Variants in CDH13 observed in about 807,000 individuals in gnomAD.
CDH13 encodes cadherin 13.
CDH13 carries 24 observed loss-of-function variants against 63.8 expected under a neutral mutation model. That is an observed-to-expected ratio of 0.38 (90% CI 0.27 to 0.53). The LOEUF (loss-of-function observed/expected upper bound fraction) is 0.53. CDH13 is among the 20% of genes least tolerant of loss of function. CDH13 has a pLI of 0.85. For synonymous variants in CDH13, 503 were observed against 355.3 expected (o/e 1.42, Z -4.67); for missense variants, 1,049 against 903.1 (o/e 1.16, Z -2.07).
intron 5 of CDH13, among the ~76,000 whole-genome samples, chr16:83,277,416 C>T (rs1386378719): frequency 2.0e-5 from 3 of 152,130 alleles, no homozygotes; most frequent in African/African-American, 7.2e-5. Context: ...CTGTGGGGCC[C>T]AGGGAATCTG....
chr16:82,986,222 G>A (rs1910919270), intron 2 of CDH13, among the ~76,000 whole-genome samples: 2 of 152,186 alleles, frequency 1.3e-5, no homozygotes, highest in Admixed American at 6.5e-5. Context: ...CTAGGATGCT[G>A]TGAATTTTCA....
At chr16:82,833,039 G>T (rs894332465) in intron 1 of CDH13, among the ~76,000 whole-genome samples, 1 of 152,134 alleles carries the variant, frequency 6.6e-6, no homozygotes, top group Non-Finnish European at 1.5e-5. Flanking sequence ...CCATCTTACA[G>T]TTATACCTTT....
intron 2 of CDH13, among the ~76,000 whole-genome samples, chr16:83,000,033 A>T (rs891649223): frequency 1.4e-4 from 22 of 152,004 alleles, no homozygotes; most frequent in African/African-American, 5.3e-4. Context: ...CAGAACAACA[A>T]CAACAAAAAA....
rs183555574 is a variant in CDH13 at position 83,657,349 on chromosome 16, C to T, written c.1102-13441C>T. On this transcript the variant is annotated intron_variant, in intron 8 of 13. Coordinates refer to ENST00000567109, the MANE Select transcript of CDH13 (RefSeq NM_001257.5). ...GTCAAACAAGGTGTCCCCCATAGAC[C>T]GTCAAGAAGACAGGCTGCTGCTTTT... Among the ~76,000 whole-genome samples the T allele has an allele frequency of 3.9e-5, 6 of 152,272 alleles. 1 individual carries two copies. In the South Asian group the frequency reaches 8.3e-4, roughly 21 times the overall value.
intron 5 of CDH13, among the ~76,000 whole-genome samples, chr16:83,295,564 CAT>C (rs1044348378): frequency 1.4e-4 from 21 of 152,040 alleles, no homozygotes; most frequent in African/African-American, 5.1e-4. Flanking sequence ...GGCCAGCAGG[CAT>C]ATTTTTAAAA....
intron 6 of CDH13, among the ~76,000 whole-genome samples, chr16:83,376,679 TAG>T (rs1485422933): frequency 6.6e-6 from 1 of 152,072 alleles, no homozygotes; most frequent in East Asian, 1.9e-4. Flanking sequence ...ATGCATACTC[TAG>T]AGAGAGTTAG....
chr16:83,449,390 C>T (rs1032635991), intron 6 of CDH13, among the ~76,000 whole-genome samples: 3 of 152,152 alleles, frequency 2.0e-5, no homozygotes, highest in African/African-American at 7.2e-5. Context: ...AAAGGAGAAA[C>T]GGCTCCCTTA....
intron 2 of CDH13, among the ~76,000 whole-genome samples, chr16:83,022,309 G>A (rs1915417301): frequency 6.6e-6 from 1 of 152,178 alleles, no homozygotes; most frequent in South Asian, 2.1e-4. Flanking sequence ...TTCCAAGTAG[G>A]CAAGGAATAC....
chr16:83,767,872 G>A (rs2150994601), intron 11 of CDH13, among the ~76,000 whole-genome samples: 1 of 152,226 alleles, frequency 6.6e-6, no homozygotes, highest in South Asian at 2.1e-4. Context: ...GTACAAATTG[G>A]CCCAAGGTTT....
intron 1 of CDH13, among the ~76,000 whole-genome samples, chr16:82,797,477 A>T (rs924599900): frequency 6.6e-6 from 1 of 152,164 alleles, no homozygotes; most frequent in Non-Finnish European, 1.5e-5. Flanking sequence ...AGACCCCAGC[A>T]AGCTTCTCAT....
chr16:83,314,611 CT>C (rs1567585196), intron 5 of CDH13, among the ~76,000 whole-genome samples: 1 of 152,072 alleles, frequency 6.6e-6, no homozygotes, highest in Non-Finnish European at 1.5e-5. Context: ...AAGCCCACAA[CT>C]TCATATGGGG....
chr16:83,512,525 A>G (rs1040108936), intron 7 of CDH13, among the ~76,000 whole-genome samples: 11 of 150,796 alleles, frequency 7.3e-5, no homozygotes, highest in Admixed American at 7.3e-4. Context: ...AAAATTAGCC[A>G]GGTGTGGTGG....
intron 3 of CDH13, among the ~76,000 whole-genome samples, chr16:83,054,155 T>G (rs1314993266): frequency 6.6e-6 from 1 of 152,200 alleles, no homozygotes; most frequent in Non-Finnish European, 1.5e-5. Flanking sequence ...TTTATATAAG[T>G]GCACTGTGTA....
intron 10 of CDH13, among the ~76,000 whole-genome samples, chr16:83,686,627 A>G (rs1159376645): frequency 1.3e-5 from 2 of 152,260 alleles, no homozygotes; most frequent in Admixed American, 6.5e-5. Context: ...GATTATTAGC[A>G]GAATATTTCT....
At chr16:83,396,348 A>G (rs1035187663) in intron 6 of CDH13, among the ~76,000 whole-genome samples, 2 of 152,164 alleles carry the variant, frequency 1.3e-5, no homozygotes, top group African/African-American at 2.4e-5. Context: ...AGGAATGTCA[A>G]TGATCAGCTA....
At chr16:83,786,853 G>C (rs747774759) in intron 13 of CDH13, among the ~76,000 whole-genome samples, 9 of 152,124 alleles carry the variant, frequency 5.9e-5, no homozygotes, top group Non-Finnish European at 1.3e-4. Flanking sequence ...CTCCCAAAGT[G>C]CTAGGATTAC....
intron 10 of CDH13, among the ~76,000 whole-genome samples, chr16:83,743,976 T>C (rs1252160159): frequency 6.6e-6 from 1 of 151,944 alleles, no homozygotes; most frequent in Non-Finnish European, 1.5e-5. Flanking sequence ...CTCTGTCTCT[T>C]ATTAACTGGG....
At chr16:83,393,556 C>G (rs904123470) in intron 6 of CDH13, among the ~76,000 whole-genome samples, 18 of 152,280 alleles carry the variant, frequency 1.2e-4, no homozygotes, top group Admixed American at 3.3e-4. Flanking sequence ...CCACCAATCC[C>G]CAGCCCACAG....
intron 10 of CDH13, among the ~76,000 whole-genome samples, chr16:83,720,047 G>A (rs775736862): frequency 3.9e-5 from 6 of 152,112 alleles, no homozygotes; most frequent in South Asian, 2.1e-4. Flanking sequence ...TCTTCCTGGC[G>A]GGTTGGTGAA....
Sources: gnomAD v4.1 joint callset for allele counts (sites outside exome capture counted in the v4.1 genomes callset) on GRCh38, gnomAD v4.1.1 for gene constraint, MANE v1.5 for transcripts, NCBI Gene and HGNC (gene_info 2026-07-23, HGNC 2026-07-21) for gene names.